SESN1: variants seen among roughly 807,000 people sequenced by gnomAD.
SESN1 encodes the protein sestrin-1.
Under a neutral mutation model 59.3 loss-of-function variants are expected in SESN1, and 30 were observed. That is an observed-to-expected ratio of 0.51 (90% CI 0.38 to 0.69). The LOEUF (loss-of-function observed/expected upper bound fraction) is 0.69, where lower values mean the gene tolerates loss of function less well. Among genes scored for constraint, SESN1 ranks in the 30% least tolerant of loss-of-function variants. The probability of loss-of-function intolerance (pLI) is 0.00; values close to 1 mark genes in which losing one functional copy is unlikely to be tolerated. For missense variants in SESN1, 566 were observed against 673.0 expected (o/e 0.84, Z 1.76); for synonymous variants, 197 against 219.9 (o/e 0.90, Z 0.92).
At chr6:109,087,981 C>A (rs1484326123) in intron 1 of SESN1, 3 of 152,066 alleles carry the variant, frequency 2.0e-5, no homozygotes, top group Non-Finnish European at 4.4e-5. Flanking sequence ...TCTCCTGGTC[C>A]TTAGGGGCTG....
intron 1 of SESN1, among the ~76,000 whole-genome samples, chr6:109,034,352 T>A (rs973626891): frequency 1.3e-5 from 2 of 152,352 alleles, no homozygotes; most frequent in Middle Eastern, 3.4e-3. Context: ...TATCTGTAAA[T>A]AATTTAGTGT....
At chr6:109,068,106 G>A (rs1402906119) in intron 1 of SESN1, among the ~76,000 whole-genome samples, 1 of 152,122 alleles carries the variant, frequency 6.6e-6, no homozygotes. Context: ...TGAAGTTTGG[G>A]GGGGACAGTG....
At chr6:109,048,340 T>C (rs1447126800) in intron 1 of SESN1, among the ~76,000 whole-genome samples, 1 of 151,846 alleles carries the variant, frequency 6.6e-6, no homozygotes, top group African/African-American at 2.4e-5. Flanking sequence ...TCCACCTCCC[T>C]TGTTTACTTG....
chr6:109,012,954 A>C (rs1779883931), intron 1 of SESN1, among the ~76,000 whole-genome samples: 1 of 149,646 alleles, frequency 6.7e-6, no homozygotes, highest in East Asian at 1.9e-4. Flanking sequence ...TCTCTACTGA[A>C]AATACAAAAA....
rs111779319 is a variant in SESN1, at chr6:108,991,082, C to A, written c.1234-247G>T. ...GTCTCATCTCAAAAAAAAACAACAACAAAAAAAAACTAATAGTCTCTTCCC... is the reference window on the plus strand; with the variant it reads ...GTCTCATCTCAAAAAAAAACAACAAAAAAAAAAAACTAATAGTCTCTTCCC... On this transcript the variant is annotated intron_variant, in intron 7 of 9. Coordinates refer to ENST00000436639, the MANE Select transcript of SESN1 (RefSeq NM_014454.3). 0.1 allele frequency among the ~76,000 whole-genome samples: 14,883 copies of A among 148,562 alleles called. 941 individuals carry two copies. Among genetic ancestry groups the A allele is most frequent in the South Asian group, 0.18 (834 of 4,648 alleles).
chr6:108,998,768 A>T lies in SESN1; in HGVS notation c.730-13T>A. The T allele has an allele frequency of 6.3e-7, 1 of 1,591,754 alleles. No individual in the cohort carries two copies. The highest frequency in any genetic ancestry group is 8.6e-7 in the Non-Finnish European group (1 of 1,167,664). On this transcript the variant is annotated splice_polypyrimidine_tract_variant and intron_variant, in intron 4 of 9. Coordinates refer to ENST00000436639, the MANE Select transcript of SESN1 (RefSeq NM_014454.3). Reference sequence around the variant, plus strand: ...CTTTTAAAAGTCCCTTAGGGGGAAAAAAAAAAAGAATATATTTTTGTACTG... The same window carrying T: ...CTTTTAAAAGTCCCTTAGGGGGAAATAAAAAAAGAATATATTTTTGTACTG...
chr6:109,030,225 C>T (rs1018925680), intron 1 of SESN1, among the ~76,000 whole-genome samples: 5 of 152,048 alleles, frequency 3.3e-5, no homozygotes, highest in African/African-American at 9.7e-5. Context: ...ATTGCTAGGA[C>T]CCCCCGATCT....
intron 1 of SESN1, among the ~76,000 whole-genome samples, chr6:109,081,752 C>T (rs538457807): frequency 2.7e-4 from 41 of 152,326 alleles, no homozygotes; most frequent in African/African-American, 8.9e-4. Flanking sequence ...GCCCCAAAGA[C>T]ACCTGCCAGA....
chr6:109,069,545 TA>T (rs1780894863), intron 1 of SESN1, among the ~76,000 whole-genome samples: 1 of 152,042 alleles, frequency 6.6e-6, no homozygotes, highest in South Asian at 2.1e-4. Context: ...CCACAAACTT[TA>T]ATTTTTTTTT....
chr6:109,000,467 A>C (rs772329344), intron 4 of SESN1, 24 bp downstream of exon 4: 1 of 1,464,888 alleles, frequency 6.8e-7, no homozygotes, highest in Admixed American at 2.3e-5. Context: ...AATGACTCCC[A>C]AGATATATTA....
intron 1 of SESN1, among the ~76,000 whole-genome samples, chr6:109,039,156 G>A (rs1202234506): frequency 6.6e-6 from 1 of 151,758 alleles, no homozygotes; most frequent in Non-Finnish European, 1.5e-5. Context: ...GAAGGAAGGA[G>A]GAGGAGGAGA....
intron 1 of SESN1, chr6:109,009,374 G>T: frequency 6.8e-7 from 1 of 1,467,640 alleles, no homozygotes. Flanking sequence ...CCTGGTCGCG[G>T]CCCCCGCCGC....
intron 1 of SESN1, among the ~76,000 whole-genome samples, chr6:109,007,740 T>C (rs1168238396): frequency 6.6e-6 from 1 of 150,994 alleles, no homozygotes; most frequent in Non-Finnish European, 1.5e-5. Flanking sequence ...GTTAATATTG[T>C]CATTAATACT....
chr6:109,067,077 TG>T (rs1335585368), intron 1 of SESN1, among the ~76,000 whole-genome samples: 1 of 152,214 alleles, frequency 6.6e-6, no homozygotes, highest in African/African-American at 2.4e-5. Flanking sequence ...CAATTTAATC[TG>T]GTTGCTTTTC....
chr6:109,063,244 C>A, intron 1 of SESN1, among the ~76,000 whole-genome samples: 1 of 147,370 alleles, frequency 6.8e-6, no homozygotes, highest in Admixed American at 6.9e-5. Context: ...GGGAAACTGC[C>A]AACATAGGCT....
chr6:109,044,261 G>A (rs1488863906), intron 1 of SESN1, among the ~76,000 whole-genome samples: 3 of 128,988 alleles, frequency 2.3e-5, no homozygotes, highest in South Asian at 2.6e-4. Flanking sequence ...GCAGTGAGCC[G>A]TGATCACACC....
At position 108,985,757 on chromosome 6, in the gene SESN1, T is replaced by TATC. The variant is rs1779166430; in HGVS notation, c.*1784_*1786dup. ...GAAATGGGATAAGTAAAATTTTAAC[T>TATC]ATCTTCTTGGGTTCAATTGTATTGC... On this transcript the variant is annotated 3_prime_UTR_variant, in exon 10 of 10. Coordinates refer to ENST00000436639, the MANE Select transcript of SESN1 (RefSeq NM_014454.3). Among the ~76,000 whole-genome samples, 1 of 152,198 alleles carries TATC rather than the reference T, an allele frequency of 6.6e-6. No individual in the cohort carries two copies. Among genetic ancestry groups the TATC allele is most frequent in the South Asian group, 2.1e-4 (1 of 4,832 alleles).
chr6:109,068,499 T>C (rs917583842), intron 1 of SESN1, among the ~76,000 whole-genome samples: 2 of 151,578 alleles, frequency 1.3e-5, no homozygotes, highest in African/African-American at 4.9e-5. Context: ...CTCCAAGATA[T>C]AAAGTAAAAA....
At position 108,987,346 on chromosome 6, in the gene SESN1, C is replaced by A; in HGVS notation, c.*198G>T. The stretch of plus-strand genomic sequence containing the variant: ...TGAATGGCAGCCTGTCTTCACAGCT[C>A]TAAACTTGAAGCTGCCAAACAGTCA... On this transcript the variant is annotated 3_prime_UTR_variant, in exon 10 of 10. Transcript: ENST00000436639. 1 of 483,294 alleles carries A rather than the reference C, an allele frequency of 2.1e-6. No individual in the cohort carries two copies. Among genetic ancestry groups the A allele is most frequent in the Non-Finnish European group, 3.7e-6 (1 of 272,944 alleles). 29.9% of individuals were successfully genotyped at this position (483,294 alleles called of 1,614,324 possible). A position where few individuals can be genotyped will look rare whatever the true frequency, so the allele number is the denominator to read the frequency against.
Sources: allele counts gnomAD v4.1 joint callset (sites outside exome capture counted in the v4.1 genomes callset), GRCh38; gene constraint gnomAD v4.1.1; transcripts MANE v1.5; gene names NCBI Gene and HGNC (gene_info 2026-07-23, HGNC 2026-07-21).